The following KDM4C variants were observed in gnomAD, a reference collection of about 807,000 sequenced individuals.
The protein encoded by KDM4C is lysine-specific demethylase 4C.
In KDM4C, 81 loss-of-function variants were observed where a neutral mutation model predicts 129.3. The ratio of observed to expected loss-of-function variants is 0.63; its 90% CI spans 0.52 to 0.75. The LOEUF is 0.75. Among genes scored for constraint, KDM4C ranks in the 30% least tolerant of loss-of-function variants. The pLI is 0.00. For missense variants in KDM4C, 1,457 were observed against 1,304.0 expected, an observed-to-expected ratio of 1.12 and a Z score of -1.81; for synonymous variants, 573 against 456.1, an observed-to-expected ratio of 1.26 and a Z score of -3.26.
chr9:6,799,543 AGG>A (rs1828507158), intron 2 of KDM4C, among the ~76,000 whole-genome samples: 2 of 133,730 alleles, frequency 1.5e-5, no homozygotes, highest in Admixed American at 7.3e-5. Flanking sequence ...TTGGCATGAG[AGG>A]GAGACCGTGG....
intron 8 of KDM4C, among the ~76,000 whole-genome samples, chr9:6,924,315 C>T (rs901046584): frequency 2.6e-5 from 4 of 152,166 alleles, no homozygotes; most frequent in African/African-American, 9.7e-5. Context: ...GTCCACTTTG[C>T]CCTAGTCTCT....
At chr9:7,171,338 C>T (rs1844940755) in intron 21 of KDM4C, among the ~76,000 whole-genome samples, 1 of 152,050 alleles carries the variant, frequency 6.6e-6, no homozygotes, top group African/African-American at 2.4e-5. Context: ...TTACCAAGAC[C>T]GAAAAACCTT....
At chr9:6,832,765 T>A (rs1247171715) in intron 4 of KDM4C, among the ~76,000 whole-genome samples, 1 of 145,466 alleles carries the variant, frequency 6.9e-6, no homozygotes, top group Non-Finnish European at 1.5e-5. Flanking sequence ...TTTGCTCTTG[T>A]TGCCCAAGCT....
Position 6,893,161 on chromosome 9 carries a change from G to C in KDM4C, c.850G>C (p.Gly284Arg). 1.9e-6 allele frequency: 3 copies of C among 1,610,292 alleles called. No individual in the cohort carries two copies. The highest frequency in any genetic ancestry group is 1.7e-6 in the Non-Finnish European group (2 of 1,178,128). ...PYGYHAGFNHGFNCAESTNFA... is the reference protein window; with the variant it reads ...PYGYHAGFNHRFNCAESTNFA... The stretch of plus-strand genomic sequence containing the variant: ...TGGCTACCATGCTGGTTTTAATCAT[G>C]GTTTCAACTGTGCAGAATCTACAAA... Residue 284 changes from glycine to arginine, a missense_variant, in exon 8 of 22, where the codon GGT becomes CGT. Gly to Arg is a moderately radical substitution (Grantham distance 125). Transcript: ENST00000381309.
In KDM4C at chr9:6,990,489, T is replaced by C. The variant is rs890192671; in HGVS notation, c.1751T>C (p.Met584Thr). Reference sequence around the variant, plus strand: ...AGCAGGCCTCCAGCAAGATCTCCGATGACTCTTGTGAAGCAGCAGGCGCCA... The same window carrying C: ...AGCAGGCCTCCAGCAAGATCTCCGACGACTCTTGTGAAGCAGCAGGCGCCA... ...PLSRPPARSPMTLVKQQAPSD... is the reference protein window; with the variant it reads ...PLSRPPARSPTTLVKQQAPSD... The change falls in exon 12 of 22, where the codon ATG becomes ACG. Residue 584 changes from methionine (M) to threonine (T), a missense_variant. Met to Thr is a moderately conservative substitution (Grantham distance 81, BLOSUM62 -1). Transcript: ENST00000381309. 6 of 1,613,080 alleles carry C rather than the reference T, an allele frequency of 3.7e-6. No individual in the cohort carries two copies. Among genetic ancestry groups the C allele is most frequent in the Non-Finnish European group, 5.1e-6 (6 of 1,179,784 alleles).
At chr9:7,031,504 A>G (rs938143697) in intron 15 of KDM4C, among the ~76,000 whole-genome samples, 6 of 152,126 alleles carry the variant, frequency 3.9e-5, no homozygotes, top group East Asian at 1.9e-4. Context: ...TAAGCAAACT[A>G]TATCTTGATG....
At chr9:7,055,688 A>C (rs1830775156) in intron 17 of KDM4C, among the ~76,000 whole-genome samples, 1 of 152,194 alleles carries the variant, frequency 6.6e-6, no homozygotes, top group Non-Finnish European at 1.5e-5. Flanking sequence ...ATACAATCAC[A>C]CTTCCTATTT....
chr9:6,922,486 C>G (rs1821715168), intron 8 of KDM4C, among the ~76,000 whole-genome samples: 1 of 152,234 alleles, frequency 6.6e-6, no homozygotes, highest in South Asian at 2.1e-4. Flanking sequence ...TTGGCTCACG[C>G]CTGTAATCCC....
chr9:6,954,998 C>T (rs1563878740), intron 8 of KDM4C, among the ~76,000 whole-genome samples: 1 of 152,172 alleles, frequency 6.6e-6, no homozygotes, highest in East Asian at 1.9e-4. Flanking sequence ...AGTGGGAACT[C>T]TTTATTAGTT....
intron 15 of KDM4C, among the ~76,000 whole-genome samples, chr9:7,027,251 G>A (rs1182789382): frequency 6.6e-6 from 1 of 152,160 alleles, no homozygotes; most frequent in Non-Finnish European, 1.5e-5. Flanking sequence ...CCAGGTATTT[G>A]GAAGGACTTG....
intron 19 of KDM4C, among the ~76,000 whole-genome samples, chr9:7,128,643 G>GC (rs1331887925): frequency 6.6e-6 from 1 of 152,162 alleles, no homozygotes; most frequent in Non-Finnish European, 1.5e-5. Flanking sequence ...AGAGAATGTG[G>GC]CTTTGATTAA....
Position 6,783,023 on chromosome 9 carries a change from C to T in KDM4C, c.-17-9949C>T, listed in dbSNP as rs568640808. Reference sequence around the variant, plus strand: ...GTAAGAGAGGGTAGGCTTGGGAAGGCTCTTGGGATTCTGATGTTGGCCGTG... The same window carrying T: ...GTAAGAGAGGGTAGGCTTGGGAAGGTTCTTGGGATTCTGATGTTGGCCGTG... On this transcript the variant is annotated intron_variant, in intron 1 of 21. Transcript: ENST00000381309. 3.3e-5 allele frequency among the ~76,000 whole-genome samples: 5 copies of T among 152,228 alleles called. 1 individual carries two copies. The South Asian group carries it at 8.3e-4, about 25-fold the overall frequency.
chr9:7,143,991 C>G (rs987320932), intron 19 of KDM4C, among the ~76,000 whole-genome samples: 1 of 152,182 alleles, frequency 6.6e-6, no homozygotes, highest in African/African-American at 2.4e-5. Flanking sequence ...AAAAGTATTT[C>G]TAGAATGGCA....
intron 18 of KDM4C, among the ~76,000 whole-genome samples, chr9:7,117,663 A>ACG (rs911762917): frequency 2.2e-4 from 30 of 136,168 alleles, no homozygotes; most frequent in African/African-American, 8.0e-4. Context: ...ACACACACAC[A>ACG]CACACTGCTG....
At chr9:6,721,271 C>CTTTTTTTTT (rs1300448717) in intron 1 of KDM4C, 1 of 75,184 alleles carries the variant, frequency 1.3e-5, no homozygotes, top group Non-Finnish European at 2.4e-5. Flanking sequence ...TTTAAATTAA[C>CTTTTTTTTT]TTTTTTTTTT....
At position 7,019,048 on chromosome 9, in the gene KDM4C, G is replaced by C. The variant is rs190904072; in HGVS notation, c.2259+3119G>C. ...ACTTGTTTTTTCAGCGTATCCATTT[G>C]AGTGTACTTTTTCTATGAAGCTCCC... On this transcript the variant is annotated intron_variant, in intron 15 of 21. Coordinates refer to ENST00000381309, the MANE Select transcript of KDM4C (RefSeq NM_015061.6). Among the ~76,000 whole-genome samples the C allele has an allele frequency of 6.4e-4, 97 of 152,202 alleles. 3 individuals are homozygous for C. The East Asian group carries it at 0.016, about 25-fold the overall frequency.
chr9:7,029,074 C>A (rs553823022), intron 15 of KDM4C, among the ~76,000 whole-genome samples: 1 of 152,106 alleles, frequency 6.6e-6, no homozygotes, highest in Non-Finnish European at 1.5e-5. Flanking sequence ...ATTTGGTGTT[C>A]CTCCAGAGGG....
chr9:7,027,162 T>C (rs1253979571), intron 15 of KDM4C, among the ~76,000 whole-genome samples: 1 of 152,178 alleles, frequency 6.6e-6, no homozygotes, highest in Non-Finnish European at 1.5e-5. Context: ...TTCATCTGTC[T>C]AGGCATTAAA....
At chr9:7,019,793 A>G (rs1824447269) in intron 15 of KDM4C, among the ~76,000 whole-genome samples, 1 of 146,594 alleles carries the variant, frequency 6.8e-6, no homozygotes, top group Non-Finnish European at 1.5e-5. Flanking sequence ...AAAATATTTT[A>G]GAAGCAAAGA....
Sources: gnomAD v4.1 joint callset for allele counts (sites outside exome capture counted in the v4.1 genomes callset) on GRCh38, gnomAD v4.1.1 for gene constraint, MANE v1.5 for transcripts, NCBI Gene and HGNC (gene_info 2026-07-23, HGNC 2026-07-21) for gene names.